Variants in MXRA5 observed in about 807,000 individuals in gnomAD.
MXRA5 encodes the protein matrix-remodeling-associated protein 5.
In MXRA5, 41 loss-of-function variants were observed where a neutral mutation model predicts 112.5. The ratio of observed to expected loss-of-function variants is 0.36; its 90% confidence interval spans 0.28 to 0.47. MXRA5 has a LOEUF of 0.47. Among genes scored for constraint, MXRA5 ranks in the 20% least tolerant of loss-of-function variants. The probability of loss-of-function intolerance (pLI) is 0.99; values close to 1 mark genes in which losing one functional copy is unlikely to be tolerated. For synonymous variants in MXRA5, 862 were observed against 900.8 expected (o/e 0.96, Z 0.77); for missense variants, 2,150 against 2,251.0 (o/e 0.96, Z 0.91).
intron 4 of MXRA5, among the ~76,000 whole-genome samples, chrX:3,329,246 G>C (rs766994518): frequency 1.1e-5 from 1 of 93,877 alleles, no homozygotes; most frequent in East Asian, 3.6e-4. Flanking sequence ...GTAAAGGAGG[G>C]AAGGTGGGAA....
chrX:3,345,117 G>A (rs1158303579), intron 1 of MXRA5, among the ~76,000 whole-genome samples: 13 of 111,742 alleles, frequency 1.2e-4, no homozygotes, highest in Non-Finnish European at 3.8e-5. Flanking sequence ...TGGGCAACAA[G>A]AGCGAAACTC....
rs1329449264 is a variant in MXRA5, at chrX:3,330,563, G to A, written c.318+81C>T. On this transcript the variant is annotated intron_variant, in intron 3 of 6. Coordinates refer to ENST00000217939, the MANE Select transcript of MXRA5 (RefSeq NM_015419.4). ...CAATAGCCGTTTTATTGATCATTAA[G>A]GAGAATGACATAATTTCTATTCTTT... 2.6e-6 allele frequency: 3 copies of A among 1,153,890 alleles called. No homozygotes were observed. In the South Asian group the frequency reaches 6.2e-5, roughly 24 times the overall value.
Position 3,346,498 on chromosome X carries a change from C to T in MXRA5, c.-29+17G>A. On this transcript the variant is annotated intron_variant, in intron 1 of 6. Transcript: ENST00000217939. ...ACACGGCAGCCCTGGGGCGCCCTGGCCACCCTGGGTCCTCACCTGTCCTTG... is the reference window on the plus strand; with the variant it reads ...ACACGGCAGCCCTGGGGCGCCCTGGTCACCCTGGGTCCTCACCTGTCCTTG... 1 of 754,167 alleles carries T rather than the reference C, an allele frequency of 1.3e-6. No homozygotes were observed. Among genetic ancestry groups the T allele is most frequent in the South Asian group, 6.7e-5 (1 of 14,847 alleles). 62.2% of individuals were successfully genotyped at this position (754,167 alleles called of 1,213,427 possible).
Position 3,321,115 on chromosome X carries a change from C to A in MXRA5, c.4570G>T (p.Asp1524Tyr), listed in dbSNP as rs768341054. ...TTCAAGAAAACATTTTCCTTGGAAT[C>A]TCTAGATGCTTGAGATATTCTTGGA... ...PSPRISQASR[D>Y]SKENVFLNYV... Residue 1524 changes from aspartate (D) to tyrosine (Y), a missense_variant, in exon 5 of 7, where the codon GAT becomes TAT. Asp to Tyr is a radical substitution (Grantham distance 160). This residue lies in a region of MXRA5 where 1,485 missense variants were observed against 1,471.6 expected (regional missense o/e 1.01). Coordinates refer to ENST00000217939, the MANE Select transcript of MXRA5 (RefSeq NM_015419.4). 3.3e-4 allele frequency: 401 copies of A among 1,210,202 alleles called. No homozygotes were observed. Among genetic ancestry groups the A allele is most frequent in the Non-Finnish European group, 4.4e-4 (392 of 895,215 alleles).
chrX:3,338,901 G>A (rs1921846446), intron 2 of MXRA5, among the ~76,000 whole-genome samples: 1 of 109,479 alleles, frequency 9.1e-6, no homozygotes, highest in African/African-American at 3.3e-5. Flanking sequence ...TGATGATAGA[G>A]ATAGATGATA....
Position 3,343,876 on chromosome X carries a change from C to A in MXRA5, c.-28-15G>T, listed in dbSNP as rs1569189479. 2.6e-6 allele frequency: 3 copies of A among 1,162,211 alleles called. No homozygotes were observed. The highest frequency in any genetic ancestry group is 3.5e-6 in the Non-Finnish European group (3 of 862,879). On this transcript the variant is annotated splice_polypyrimidine_tract_variant and intron_variant, in intron 1 of 6. Transcript: ENST00000217939. ...TTCTCGGATACCTGAGGTAGAACAACGAAGAGATGAGCTTATTCACAGGTA... is the reference window on the plus strand; with the variant it reads ...TTCTCGGATACCTGAGGTAGAACAAAGAAGAGATGAGCTTATTCACAGGTA...
rs770007021 is a variant in MXRA5 at position 3,323,658 on chromosome X, G to C, written c.2027C>G (p.Pro676Arg). 1 of 1,210,656 alleles carries C rather than the reference G, an allele frequency of 8.3e-7. No homozygotes were observed. Among genetic ancestry groups the C allele is most frequent in the Non-Finnish European group, 1.1e-6 (1 of 894,870 alleles). ...ITVTKKGSGL[P>R]SKRGRRPGAK... is the part of the protein sequence containing the mutation. ...ACCTGGGCGTCTGCCTCTTTTGGATGGCAAGCCAGACCCTTTCTTGGTCAC... is the reference window on the plus strand; with the variant it reads ...ACCTGGGCGTCTGCCTCTTTTGGATCGCAAGCCAGACCCTTTCTTGGTCAC... The change falls in exon 5 of 7, where the codon CCA (proline) becomes CGA (arginine). Residue 676 changes from proline (P) to arginine (R), a missense_variant. Coordinates refer to ENST00000217939, the MANE Select transcript of MXRA5 (RefSeq NM_015419.4).
chrX:3,314,068 G>A (rs1921030780), intron 6 of MXRA5, among the ~76,000 whole-genome samples: 1 of 112,166 alleles, frequency 8.9e-6, no homozygotes, highest in Non-Finnish European at 1.9e-5. Flanking sequence ...ACGGTAAGAG[G>A]CTTTCCTGCT....
chrX:3,322,998 T>A lies in MXRA5; in HGVS notation c.2687A>T (p.Glu896Val). 8.3e-7 allele frequency: 1 copy of A among 1,211,486 alleles called. No individual in the cohort carries two copies. The change falls in exon 5 of 7, where the codon GAG becomes GTG. Residue 896 changes from glutamate to valine, a missense_variant. Physicochemically the swap from Glu to Val is moderately radical, Grantham distance 121. Around this residue, in one of 6 missense-constraint regions of MXRA5, gnomAD observed 1,485 missense variants for 1,471.6 expected, o/e 1.01. Coordinates refer to ENST00000217939, the MANE Select transcript of MXRA5 (RefSeq NM_015419.4). ...GTCTCCTTCAGTGGAAGTTATCTCC[T>A]CAGTCTTCTCGGAAAGGTCATCAAC... ...EVVDDLSEKT[E>V]EITSTEGDLK...
chrX:3,338,165 A>G (rs1169811185), intron 2 of MXRA5, among the ~76,000 whole-genome samples: 1 of 111,232 alleles, frequency 9.0e-6, no homozygotes, highest in African/African-American at 3.3e-5. Context: ...TAGGGCTCTG[A>G]GGCTCTGTCT....
At chrX:3,340,753 G>A (rs1921897829) in intron 2 of MXRA5, among the ~76,000 whole-genome samples, 1 of 107,411 alleles carries the variant, frequency 9.3e-6, no homozygotes. Flanking sequence ...GGGAAGAAAA[G>A]CATCCCAGAA....
In MXRA5 at chrX:3,311,323, T is replaced by C. The variant is rs1265522349; in HGVS notation, c.6880A>G (p.Ser2294Gly). Residue 2294 changes from serine (S) to glycine (G), a missense_variant, in exon 7 of 7, where the codon AGC (serine) becomes GGC (glycine). Physicochemically the swap from Ser to Gly is moderately conservative, Grantham distance 56 (BLOSUM62 0). Around this residue, in one of 6 missense-constraint regions of MXRA5, gnomAD observed 1,485 missense variants for 1,471.6 expected, o/e 1.01. Coordinates refer to ENST00000217939, the MANE Select transcript of MXRA5 (RefSeq NM_015419.4). Reference protein sequence around the residue: ...LVNSFMQSDDSGGRTKRYVVF... With the variant: ...LVNSFMQSDDGGGRTKRYVVF... ...ACATAGCGCTTGGTGCGTCCACCGC[T>C]GTCATCCGACTGCATGAAGGAGTTC... The C allele has an allele frequency of 8.3e-7, 1 of 1,212,066 alleles. No homozygotes were observed. The highest frequency in any genetic ancestry group is 1.1e-6 in the Non-Finnish European group (1 of 895,586).
intron 2 of MXRA5, among the ~76,000 whole-genome samples, chrX:3,343,283 G>T (rs1012813081): frequency 8.9e-6 from 1 of 112,203 alleles, no homozygotes; most frequent in Non-Finnish European, 1.9e-5. Context: ...CGTTGCTGAA[G>T]TCTACTTAAA....
chrX:3,324,604 C>T lies in MXRA5; in HGVS notation c.1081G>A (p.Val361Ile). The T allele has an allele frequency of 3.3e-6, 4 of 1,211,284 alleles. No homozygotes were observed. Among genetic ancestry groups the T allele is most frequent in the Non-Finnish European group, 4.5e-6 (4 of 895,201 alleles). ...DPPDIDINATVALDFECPMTR... is the reference protein window; with the variant it reads ...DPPDIDINATIALDFECPMTR... ...ATTGGACACTCAAAGTCCAAGGCAA[C>T]TGTTGCATTTATGTCAATATCTGGA... Residue 361 changes from valine (V) to isoleucine (I), a missense_variant, in exon 5 of 7, where the codon GTT (valine) becomes ATT (isoleucine). Around this residue, in one of 6 missense-constraint regions of MXRA5, gnomAD observed 386 missense variants for 411.0 expected, o/e 0.94. Transcript: ENST00000217939.
intron 6 of MXRA5, among the ~76,000 whole-genome samples, chrX:3,316,524 C>T (rs1416366662): frequency 3.5e-4 from 9 of 26,002 alleles, no homozygotes; most frequent in Non-Finnish European, 4.8e-4. Flanking sequence ...AATAACAAGC[C>T]GTGCCTCATG....
intron 6 of MXRA5, among the ~76,000 whole-genome samples, chrX:3,315,263 C>G (rs1279150932): frequency 9.3e-6 from 1 of 107,196 alleles, no homozygotes; most frequent in Non-Finnish European, 1.9e-5. Flanking sequence ...CACCTGATGC[C>G]TGGTTGCAAA....
At chrX:3,325,952 A>C (rs1206954415) in intron 4 of MXRA5, among the ~76,000 whole-genome samples, 2 of 87,893 alleles carry the variant, frequency 2.3e-5, no homozygotes, top group African/African-American at 8.4e-5. Context: ...TGTAATTTAT[A>C]ATATATAATT....
At chrX:3,342,567 C>T (rs1169758103) in intron 2 of MXRA5, among the ~76,000 whole-genome samples, 2 of 111,985 alleles carry the variant, frequency 1.8e-5, no homozygotes, top group African/African-American at 6.5e-5. Context: ...TTCAGATGGT[C>T]AACTCATAAA....
chrX:3,322,279 C>T lies in MXRA5; in HGVS notation c.3406G>A (p.Val1136Ile), dbSNP rs202161929. 1 of 1,204,641 alleles carries T rather than the reference C, an allele frequency of 8.3e-7. No individual in the cohort carries two copies. The highest frequency in any genetic ancestry group is 2.2e-5 in the Admixed American group (1 of 45,416). The change falls in exon 5 of 7, where the codon GTT becomes ATT. Residue 1136 changes from valine (V) to isoleucine (I), a missense_variant. Around this residue, in one of 6 missense-constraint regions of MXRA5, gnomAD observed 1,485 missense variants for 1,471.6 expected, o/e 1.01. Transcript: ENST00000217939. ...TTATTTPRQK[V>I]APSSTMSTHP... ...GTGCTCATGGTGGATGACGGAGCAA[C>T]TTTTTGCCTTGGTGTTGTTGTTGCT... is the stretch of plus-strand genomic sequence containing the variant.
Sources: gnomAD v4.1 joint callset for allele counts (sites outside exome capture counted in the v4.1 genomes callset) on GRCh38, gnomAD v4.1.1 for gene constraint, gnomAD v4.1.1 regional missense constraint, MANE v1.5 for transcripts, NCBI Gene and HGNC (gene_info 2026-07-23, HGNC 2026-07-21) for gene names.